The following ATG7 variants were observed in gnomAD, a reference collection of about 807,000 sequenced individuals.
ATG7 encodes the protein ubiquitin-like modifier-activating enzyme ATG7.
A neutral mutation model predicts 82.4 loss-of-function variants in ATG7; 70 were observed. That is an observed-to-expected ratio of 0.85 (90% CI 0.70 to 1.04). The LOEUF (loss-of-function observed/expected upper bound fraction) is 1.04, where lower values mean the gene tolerates loss of function less well. Ranked by LOEUF, ATG7 falls within the 50% of genes least tolerant of loss-of-function variation. The probability of loss-of-function intolerance (pLI) is 0.00; values close to 1 mark genes in which losing one functional copy is unlikely to be tolerated. For synonymous variants in ATG7, 287 were observed against 313.0 expected (o/e 0.92, Z 0.88); for missense variants, 792 against 864.3 (o/e 0.92, Z 1.05).
At chr3:11,438,003 TAG>T (rs2083518147) in intron 20 of ATG7, among the ~76,000 whole-genome samples, 1 of 152,186 alleles carries the variant, frequency 6.6e-6, no homozygotes, top group African/African-American at 2.4e-5. Context: ...ATATTATACT[TAG>T]AGTTTTTTCC....
At chr3:11,389,777 T>C (rs2078637172) in intron 19 of ATG7, among the ~76,000 whole-genome samples, 1 of 152,246 alleles carries the variant, frequency 6.6e-6, no homozygotes, top group Non-Finnish European at 1.5e-5. Flanking sequence ...TGAATCGTAA[T>C]CTGAACTCAC....
intron 20 of ATG7, among the ~76,000 whole-genome samples, chr3:11,515,297 C>CGTCTGTGTGTAT (rs2092238509): frequency 2.0e-5 from 3 of 151,216 alleles, no homozygotes; most frequent in South Asian, 4.2e-4. Flanking sequence ...GTCTCTTGCG[C>CGTCTGTGTGTAT]GTGTGTGTGT....
chr3:11,379,841 T>C (rs911416227), intron 18 of ATG7, 131 bp from the exon 19 acceptor site: 5 of 837,222 alleles, frequency 6.0e-6, no homozygotes, highest in African/African-American at 5.1e-5. Flanking sequence ...TTCGAACTTA[T>C]TTTTGCTCAT....
chr3:11,315,635 T>G, intron 9 of ATG7, 142 bp downstream of exon 9: 2 of 724,776 alleles, frequency 2.8e-6, no homozygotes, highest in Non-Finnish European at 4.2e-6. Flanking sequence ...TCCTTATCTC[T>G]ATCCTCTCCC....
At chr3:11,470,398 CAAT>C (rs2087358842) in intron 20 of ATG7, among the ~76,000 whole-genome samples, 1 of 152,136 alleles carries the variant, frequency 6.6e-6, no homozygotes, top group South Asian at 2.1e-4. Flanking sequence ...AACTGGAAAA[CAAT>C]AGTAAGGATT....
chr3:11,320,623 A>G (rs1950093516), intron 9 of ATG7, among the ~76,000 whole-genome samples: 1 of 152,192 alleles, frequency 6.6e-6, no homozygotes, highest in Admixed American at 6.5e-5. Context: ...TCTTTGATTA[A>G]TATATTTTTC....
intron 20 of ATG7, among the ~76,000 whole-genome samples, chr3:11,448,573 A>G (rs1482488318): frequency 2.6e-5 from 4 of 152,200 alleles, no homozygotes; most frequent in Admixed American, 6.5e-5. Flanking sequence ...AACCAACACA[A>G]TACAGGCCTT....
chr3:11,540,906 T>TG (rs1559817816), intron 20 of ATG7, among the ~76,000 whole-genome samples: 33 of 52,694 alleles, frequency 6.3e-4, no homozygotes, highest in African/African-American at 2.8e-3. Flanking sequence ...TTAGCTTTTT[T>TG]TGGGGGGGGG....
At chr3:11,282,723 T>G (rs1943273397) in intron 3 of ATG7, among the ~76,000 whole-genome samples, 1 of 152,204 alleles carries the variant, frequency 6.6e-6, no homozygotes, top group South Asian at 2.1e-4. Context: ...TTTCCCTTCT[T>G]TTGGAAGAGA....
chr3:11,362,979 T>A, intron 17 of ATG7, 51 bp downstream of exon 17: 1 of 1,509,476 alleles, frequency 6.6e-7, no homozygotes, highest in Non-Finnish European at 9.1e-7. Context: ...TTGTAGGCAG[T>A]TGTTCATCAG....
Position 11,376,645 on chromosome 3 carries a change from A to T in ATG7, c.1876-3327A>T, listed in dbSNP as rs992678325. Among the ~76,000 whole-genome samples, 9 of 152,342 alleles carry T rather than the reference A, an allele frequency of 5.9e-5. No individual in the cohort carries two copies. In the East Asian group the frequency reaches 1.7e-3, roughly 29 times the overall value. ...GCAGTTGTACAGAGTCTGTAAAAAA[A>T]AATTCAATCCAAAATTTAATTGGAA... On this transcript the variant is annotated intron_variant, in intron 18 of 20. Coordinates refer to ENST00000693202, the MANE Select transcript of ATG7 (RefSeq NM_001349232.2).
At position 11,282,350 on chromosome 3, in the gene ATG7, A is replaced by T. The variant is rs1014857230; in HGVS notation, c.-99A>T. 6.6e-6 allele frequency: 1 copy of T among 152,282 alleles called. No individual in the cohort carries two copies. The highest frequency in any genetic ancestry group is 2.4e-5 in the African/African-American group (1 of 41,476). The allele number at this position is 152,282 out of a possible 1,614,324, so 9.4% of individuals were successfully genotyped here. ...TGGAAGTAACCAATGAGAAGGACAG[A>T]TAAGAGTTTGAAGACTGTGGATGTG... On this transcript the variant is annotated 5_prime_UTR_variant, in exon 3 of 21. Coordinates refer to ENST00000693202, the MANE Select transcript of ATG7 (RefSeq NM_001349232.2).
At chr3:11,349,231 A>C (rs561451294) in intron 14 of ATG7, among the ~76,000 whole-genome samples, 17 of 56,868 alleles carry the variant, frequency 3.0e-4, no homozygotes, top group Admixed American at 9.2e-4. Flanking sequence ...AGCTAGACAG[A>C]AAAGTTCTCC....
intron 11 of ATG7, among the ~76,000 whole-genome samples, chr3:11,336,524 C>T (rs373834870): frequency 2.4e-4 from 36 of 152,226 alleles, no homozygotes; most frequent in African/African-American, 8.4e-4. Flanking sequence ...GTAAATAAAA[C>T]TTTATGGTAA....
At chr3:11,277,459 GAAAT>G (rs1468669359) in intron 1 of ATG7, 1 of 152,380 alleles carries the variant, frequency 6.6e-6, no homozygotes, top group Non-Finnish European at 1.5e-5. Context: ...AGCTGGCTGA[GAAAT>G]AAAGAGAAAG....
intron 17 of ATG7, among the ~76,000 whole-genome samples, chr3:11,363,481 A>T (rs902856984): frequency 2.6e-4 from 39 of 152,174 alleles, no homozygotes; most frequent in Admixed American, 8.5e-4. Context: ...GACCTCAGTG[A>T]TCAGAAGTGA....
chr3:11,558,261 CG>C, downstream of ATG7: 1 of 488,428 alleles, frequency 2.0e-6, no homozygotes, highest in Middle Eastern at 5.4e-4. Flanking sequence ...CTGGCCCCGT[CG>C]GGGCAGCAGA....
intron 20 of ATG7, among the ~76,000 whole-genome samples, chr3:11,497,692 T>C (rs1478692765): frequency 6.6e-6 from 1 of 151,958 alleles, no homozygotes; most frequent in Non-Finnish European, 1.5e-5. Flanking sequence ...TAATTTTCAT[T>C]TTAAATGTTG....
intron 14 of ATG7, among the ~76,000 whole-genome samples, chr3:11,354,388 G>A (rs1461405295): frequency 3.3e-5 from 5 of 152,110 alleles, no homozygotes; most frequent in Admixed American, 1.3e-4. Flanking sequence ...AATTGCTCAC[G>A]CCTGTAATCC....
Sources: allele counts gnomAD v4.1 joint callset (sites outside exome capture counted in the v4.1 genomes callset), GRCh38; gene constraint gnomAD v4.1.1; transcripts MANE v1.5; gene names NCBI Gene and HGNC (gene_info 2026-07-23, HGNC 2026-07-21).